Variants in FLRT2 observed in about 807,000 individuals in gnomAD.
FLRT2 encodes the protein leucine-rich repeat transmembrane protein FLRT2.
FLRT2 carries 15 observed loss-of-function variants against 40.0 expected under a neutral mutation model. That is an observed-to-expected ratio of 0.38 (90% CI 0.25 to 0.58). The LOEUF (loss-of-function observed/expected upper bound fraction) is 0.58, where lower values mean the gene tolerates loss of function less well. FLRT2 is among the 20% of genes least tolerant of loss of function. The pLI, the probability that FLRT2 is intolerant of heterozygous loss-of-function variation, is 0.71. For synonymous variants in FLRT2, 380 were observed against 336.8 expected, an observed-to-expected ratio of 1.13 and a Z score of -1.41; for missense variants, 726 against 840.0, an observed-to-expected ratio of 0.86 and a Z score of 1.68.
Position 85,640,462 on chromosome 14 carries a change from A to C in FLRT2, c.*16965A>C, listed in dbSNP as rs892229139. The C allele has an allele frequency of 1.3e-5, 2 of 152,116 alleles. No homozygotes were observed. Among genetic ancestry groups the C allele is most frequent in the African/African-American group, 4.8e-5 (2 of 41,434 alleles). 9.4% of individuals were successfully genotyped at this position (152,116 alleles called of 1,614,324 possible). A position where few individuals can be genotyped will look rare whatever the true frequency, so the allele number is the denominator to read the frequency against. ...CATAGCAAGTATTAAATATCTTGAG[A>C]GGTTTTCTTTAATTGTTTAATTCAT... On this transcript the variant is annotated 3_prime_UTR_variant, in exon 2 of 2. Coordinates refer to ENST00000330753, the MANE Select transcript of FLRT2 (RefSeq NM_013231.6).
At chr14:85,618,949 A>C (rs34638203) in intron 1 of FLRT2, among the ~76,000 whole-genome samples, 460 of 151,534 alleles carry the variant, frequency 3.0e-3, no homozygotes, top group Non-Finnish European at 5.3e-3. Flanking sequence ...ATAGCATTAA[A>C]CTCATTTTTC....
intron 1 of FLRT2, among the ~76,000 whole-genome samples, chr14:85,554,928 A>G (rs2139832233): frequency 6.6e-6 from 1 of 152,230 alleles, no homozygotes; most frequent in East Asian, 1.9e-4. Flanking sequence ...GTCACATGCC[A>G]CTTCCGCAGA....
At chr14:85,608,277 T>C (rs955050374) in intron 1 of FLRT2, among the ~76,000 whole-genome samples, 8 of 152,022 alleles carry the variant, frequency 5.3e-5, no homozygotes, top group African/African-American at 1.9e-4. Context: ...TTGCCCAGGC[T>C]GGAGTGCAGT....
intron 1 of FLRT2, among the ~76,000 whole-genome samples, chr14:85,585,252 G>A (rs1891565767): frequency 6.6e-6 from 1 of 152,280 alleles, no homozygotes; most frequent in East Asian, 1.9e-4. Context: ...ACGGAAGTGA[G>A]GATCTGCCCT....
Position 85,643,321 on chromosome 14 carries a change from TTCTTTCTTTC to T in FLRT2, c.*19826_*19835del, listed in dbSNP as rs1894202637. ...TTTCTTTCTTTCTTTCTTTCTTTCT[TTCTTTCTTTC>T]TTTCTTTCTTTCTTTCTTTCTTTCT... On this transcript the variant is annotated 3_prime_UTR_variant, in exon 2 of 2. Coordinates refer to ENST00000330753, the MANE Select transcript of FLRT2 (RefSeq NM_013231.6). 9.1e-6 allele frequency: 1 copy of T among 110,338 alleles called. No homozygotes were observed. The highest frequency in any genetic ancestry group is 1.8e-5 in the Non-Finnish European group (1 of 55,734). 6.8% of individuals were successfully genotyped at this position (110,338 alleles called of 1,614,324 possible). A position where few individuals can be genotyped will look rare whatever the true frequency, so the allele number is the denominator to read the frequency against.
rs1163460302 is a variant in FLRT2, at chr14:85,623,005, T to G, written c.1491T>G (p.Asp497Glu). 1 of 1,614,168 alleles carries G rather than the reference T, an allele frequency of 6.2e-7. No individual in the cohort carries two copies. Among genetic ancestry groups the G allele is most frequent in the Non-Finnish European group, 8.5e-7 (1 of 1,180,010 alleles). ...STYRICLVPLDAFNYRAVEDT... is the reference protein window; with the variant it reads ...STYRICLVPLEAFNYRAVEDT... ...ATCGGATTTGTTTAGTGCCACTGGA[T>G]GCTTTTAACTACCGCGCGGTAGAAG... Residue 497 changes from aspartate to glutamate, a missense_variant, in exon 2 of 2, where the codon GAT becomes GAG. This residue lies in a region of FLRT2 where 611 missense variants were observed against 690.0 expected (regional missense o/e 0.89). Coordinates refer to ENST00000330753, the MANE Select transcript of FLRT2 (RefSeq NM_013231.6).
chr14:85,625,601 G>A lies in FLRT2; in HGVS notation c.*2104G>A, dbSNP rs899173420. On this transcript the variant is annotated 3_prime_UTR_variant, in exon 2 of 2. Transcript: ENST00000330753. ...TCCATTTTAGTCTATTAGCTAGAGGGTTTTGGCTGTTGCTTTTTTTAAAGT... is the reference window on the plus strand; with the variant it reads ...TCCATTTTAGTCTATTAGCTAGAGGATTTTGGCTGTTGCTTTTTTTAAAGT... 1.8e-5 allele frequency: 3 copies of A among 167,016 alleles called. No individual in the cohort carries two copies. Among genetic ancestry groups the A allele is most frequent in the African/African-American group, 7.2e-5 (3 of 41,420 alleles). The allele number at this position is 167,016 out of a possible 1,614,324, so 10.3% of individuals were successfully genotyped here. A position where few individuals can be genotyped will look rare whatever the true frequency, so the allele number is the denominator to read the frequency against.
intron 1 of FLRT2, among the ~76,000 whole-genome samples, chr14:85,568,806 G>A (rs1035544476): frequency 6.6e-5 from 10 of 152,070 alleles, no homozygotes; most frequent in African/African-American, 1.7e-4. Flanking sequence ...GTTTTACTAC[G>A]TGTAACCTGG....
intron 1 of FLRT2, among the ~76,000 whole-genome samples, chr14:85,605,509 G>A (rs1372506727): frequency 2.0e-5 from 3 of 152,172 alleles, no homozygotes; most frequent in East Asian, 1.9e-4. Context: ...GGTGGCTCAC[G>A]CCTGTAATCC....
At position 85,639,836 on chromosome 14, in the gene FLRT2, A is replaced by AC. The variant is rs1894105640; in HGVS notation, c.*16339_*16340insC. ...GGTGCTTCACTAGCAGAAATTCTTTATTTTTTTTTTTTTCCTTTTTTTTTT... is the reference window on the plus strand; with the variant it reads ...GGTGCTTCACTAGCAGAAATTCTTTACTTTTTTTTTTTTTCCTTTTTTTTTT... On this transcript the variant is annotated 3_prime_UTR_variant, in exon 2 of 2. Transcript: ENST00000330753. 1 of 120,556 alleles carries AC rather than the reference A, an allele frequency of 8.3e-6. No homozygotes were observed. Among genetic ancestry groups the AC allele is most frequent in the Non-Finnish European group, 1.7e-5 (1 of 60,040 alleles). 7.5% of individuals were successfully genotyped at this position (120,556 alleles called of 1,614,324 possible).
At position 85,636,228 on chromosome 14, in the gene FLRT2, A is replaced by T. The variant is rs767136393; in HGVS notation, c.*12731A>T. On this transcript the variant is annotated 3_prime_UTR_variant, in exon 2 of 2. Coordinates refer to ENST00000330753, the MANE Select transcript of FLRT2 (RefSeq NM_013231.6). ...TAGTTTTAAATATTATGCTACCTCT[A>T]TAAAGGACCAAAATAGTATTTTTAA... is the stretch of plus-strand genomic sequence containing the variant. The T allele has an allele frequency of 2.6e-5, 4 of 152,052 alleles. No homozygotes were observed. The highest frequency in any genetic ancestry group is 5.9e-5 in the Non-Finnish European group (4 of 67,988). 9.4% of individuals were successfully genotyped at this position (152,052 alleles called of 1,614,324 possible).
chr14:85,641,002 A>T lies in FLRT2; in HGVS notation c.*17505A>T, dbSNP rs1894136366. 1 of 152,244 alleles carries T rather than the reference A, an allele frequency of 6.6e-6. No homozygotes were observed. The highest frequency in any genetic ancestry group is 1.5e-5 in the Non-Finnish European group (1 of 68,050). 9.4% of individuals were successfully genotyped at this position (152,244 alleles called of 1,614,324 possible). The stretch of plus-strand genomic sequence containing the variant: ...AGATTTGGTATGAGTTAAAATGCAT[A>T]GAAAGCATGTACTACATCTAGTGCA... On this transcript the variant is annotated 3_prime_UTR_variant, in exon 2 of 2. Transcript: ENST00000330753.
intron 1 of FLRT2, among the ~76,000 whole-genome samples, chr14:85,540,582 A>G (rs1240093184): frequency 6.6e-6 from 1 of 152,192 alleles, no homozygotes; most frequent in Non-Finnish European, 1.5e-5. Context: ...CTATATTTAT[A>G]AAATACGTGG....
chr14:85,622,191 T>TC lies in FLRT2; in HGVS notation c.678dup (p.Ser227GlnfsTer14), dbSNP rs1324633863. 6.2e-7 allele frequency: 1 copy of TC among 1,614,110 alleles called. No homozygotes were observed. The highest frequency in any genetic ancestry group is 8.5e-7 in the Non-Finnish European group (1 of 1,180,014). ...AACAAGGGTATCGCCGAGGGCACCT[T>TC]CAGCCATCTCACCAAGCTCAAGGAA... On this transcript the variant is annotated frameshift_variant, in exon 2 of 2. Coordinates refer to ENST00000330753, the MANE Select transcript of FLRT2 (RefSeq NM_013231.6). LOFTEE classifies it high-confidence loss of function.
intron 1 of FLRT2, among the ~76,000 whole-genome samples, chr14:85,589,470 T>C (rs1891785015): frequency 6.6e-6 from 1 of 152,190 alleles, no homozygotes; most frequent in Non-Finnish European, 1.5e-5. Context: ...ATTAGCTTTT[T>C]TCCTATAGTC....
chr14:85,574,705 A>G (rs1187184581), intron 1 of FLRT2, among the ~76,000 whole-genome samples: 1 of 152,112 alleles, frequency 6.6e-6, no homozygotes, highest in Non-Finnish European at 1.5e-5. Context: ...TTAAGCCATC[A>G]TTGCATACAG....
intron 1 of FLRT2, among the ~76,000 whole-genome samples, chr14:85,611,095 C>T (rs1892835975): frequency 6.6e-6 from 1 of 152,090 alleles, no homozygotes; most frequent in Admixed American, 6.6e-5. Flanking sequence ...AGGGTTTCAC[C>T]ATGTTGGCCA....
In FLRT2 at chr14:85,621,810, A is replaced by G. The variant is rs371043550; in HGVS notation, c.296A>G (p.Gln99Arg). ...CACACGGTCTACCTGTATGGCAACC[A>G]ACTGGACGAATTCCCCATGAACCTT... ...SVHTVYLYGN[Q>R]LDEFPMNLPK... Residue 99 changes from glutamine to arginine, a missense_variant, in exon 2 of 2, where the codon CAA becomes CGA. Gln to Arg is a conservative substitution (Grantham distance 43). Transcript: ENST00000330753. 1.9e-6 allele frequency: 3 copies of G among 1,614,086 alleles called. No individual in the cohort carries two copies. In the African/African-American group the frequency reaches 4.0e-5, roughly 22 times the overall value.
intron 1 of FLRT2, among the ~76,000 whole-genome samples, chr14:85,609,752 C>T (rs1019593516): frequency 2.6e-5 from 4 of 152,234 alleles, no homozygotes; most frequent in African/African-American, 7.2e-5. Context: ...CCTCTATTCT[C>T]AGGTGAGACA....
Sources: gnomAD v4.1 joint callset for allele counts (sites outside exome capture counted in the v4.1 genomes callset) on GRCh38, gnomAD v4.1.1 for gene constraint, gnomAD v4.1.1 regional missense constraint, MANE v1.5 for transcripts, NCBI Gene and HGNC (gene_info 2026-07-23, HGNC 2026-07-21) for gene names.